LPCAT2: variants seen among roughly 807,000 people sequenced by gnomAD.
The protein encoded by LPCAT2 is 1-AGP acyltransferase 11.
A neutral mutation model predicts 64.7 loss-of-function variants in LPCAT2; 58 were observed. That is an observed-to-expected ratio of 0.90 (90% CI 0.73 to 1.12). LPCAT2 has a LOEUF of 1.12. Ranked by LOEUF, LPCAT2 falls within the 50% of genes most tolerant of loss-of-function variation. LPCAT2 has a pLI of 0.00. For missense variants in LPCAT2, 579 were observed against 669.8 expected, an observed-to-expected ratio of 0.86 and a Z score of 1.50; for synonymous variants, 252 against 245.3, an observed-to-expected ratio of 1.03 and a Z score of -0.26.
At chr16:55,542,629 G>T (rs1369366551) in intron 8 of LPCAT2, among the ~76,000 whole-genome samples, 6 of 152,066 alleles carry the variant, frequency 3.9e-5, no homozygotes, top group Non-Finnish European at 7.4e-5. Flanking sequence ...CTAAGTAACA[G>T]GTCATACAGA....
chr16:55,549,240 A>C lies in LPCAT2; in HGVS notation c.936-37A>C, dbSNP rs753312663. The C allele has an allele frequency of 1.2e-5, 18 of 1,493,072 alleles. No individual in the cohort carries two copies. The Admixed American group carries it at 1.5e-4, about 13-fold the overall frequency. 92.5% of individuals were successfully genotyped at this position (1,493,072 alleles called of 1,614,324 possible). Reference sequence around the variant, plus strand: ...GAAATATGATTACTTTTTTTTTTAAAAAAAATGAATTTTAGTTTGCTTCTT... The same window carrying C: ...GAAATATGATTACTTTTTTTTTTAACAAAAATGAATTTTAGTTTGCTTCTT... On this transcript the variant is annotated intron_variant, in intron 9 of 13. Transcript: ENST00000262134.
At chr16:55,553,489 T>C (rs925142895) in intron 11 of LPCAT2, among the ~76,000 whole-genome samples, 13 of 152,346 alleles carry the variant, frequency 8.5e-5, no homozygotes, top group African/African-American at 3.1e-4. Flanking sequence ...TCAAGTTTTA[T>C]CATGAGATTG....
intron 13 of LPCAT2, 144 bp downstream of exon 13, chr16:55,579,388 A>C: frequency 1.3e-6 from 1 of 773,898 alleles, no homozygotes; most frequent in Non-Finnish European, 2.0e-6. Context: ...TAATAATAGT[A>C]GTAATGGCAT....
chr16:55,543,333 T>C (rs544819531), intron 8 of LPCAT2, among the ~76,000 whole-genome samples: 39 of 152,338 alleles, frequency 2.6e-4, no homozygotes, highest in African/African-American at 8.7e-4. Flanking sequence ...AAACCAAACC[T>C]GTATTTCATT....
chr16:55,545,622 A>G (rs1222085749), intron 8 of LPCAT2, 113 bp from the exon 9 acceptor site: 2 of 683,486 alleles, frequency 2.9e-6, no homozygotes, highest in South Asian at 2.0e-5. Context: ...CATATAACCT[A>G]TGTTCTAGAA....
rs1596892051 is a variant in LPCAT2, at chr16:55,578,911, G to A, written c.1315-198G>A. ...CTTTGTACTATGGACCATTGGTATA[G>A]CTCCTGTTTTAATCCTGTCTCTCTC... On this transcript the variant is annotated intron_variant, in intron 12 of 13. Coordinates refer to ENST00000262134, the MANE Select transcript of LPCAT2 (RefSeq NM_017839.5). 7.1e-6 allele frequency: 4 copies of A among 560,570 alleles called. No individual in the cohort carries two copies. The East Asian group carries it at 9.1e-5, about 13-fold the overall frequency. The allele number at this position is 560,570 out of a possible 1,614,324, so 34.7% of individuals were successfully genotyped here.
intron 1 of LPCAT2, among the ~76,000 whole-genome samples, chr16:55,512,405 A>G (rs1299887336): frequency 2.0e-5 from 3 of 152,202 alleles, no homozygotes; most frequent in East Asian, 3.9e-4. Flanking sequence ...TCTTGAAATA[A>G]TACTTCTATA....
intron 1 of LPCAT2, among the ~76,000 whole-genome samples, chr16:55,521,968 A>G (rs1963102773): frequency 1.3e-5 from 2 of 151,838 alleles, no homozygotes; most frequent in South Asian, 4.1e-4. Flanking sequence ...CTTCTGTTCA[A>G]CATTACGCTA....
chr16:55,545,529 T>G, intron 8 of LPCAT2: 1 of 411,186 alleles, frequency 2.4e-6, no homozygotes, highest in South Asian at 7.2e-5. Flanking sequence ...TCATCAAAGT[T>G]AAATGACATA....
At chr16:55,525,946 T>C (rs1414296369) in intron 2 of LPCAT2, 1 of 175,304 alleles carries the variant, frequency 5.7e-6, no homozygotes, top group African/African-American at 2.4e-5. Context: ...TTCTGAGTTA[T>C]TGCCAAATGC....
chr16:55,542,998 T>C (rs16955376), intron 8 of LPCAT2, among the ~76,000 whole-genome samples: 2,394 of 152,262 alleles, frequency 0.016, 58 homozygotes, highest in African/African-American at 0.051. Context: ...CCATAAAAGA[T>C]AGTGGCAATC....
intron 8 of LPCAT2, chr16:55,540,437 A>T (rs1289304345): frequency 3.3e-5 from 5 of 152,200 alleles, no homozygotes; most frequent in African/African-American, 1.2e-4. Flanking sequence ...GGCTTAGGGC[A>T]TAGGGAATGA....
intron 11 of LPCAT2, among the ~76,000 whole-genome samples, chr16:55,554,471 C>A (rs1161913567): frequency 1.3e-5 from 2 of 152,226 alleles, no homozygotes; most frequent in Non-Finnish European, 2.9e-5. Context: ...AGCTCCCTCA[C>A]CTCTCAGTCT....
chr16:55,551,139 T>C, intron 11 of LPCAT2, 37 bp downstream of exon 11: 1 of 1,582,672 alleles, frequency 6.3e-7, no homozygotes, highest in Non-Finnish European at 8.6e-7. Context: ...TTTTACTCTG[T>C]CAGTCCTACA....
chr16:55,529,935 A>G lies in LPCAT2; in HGVS notation c.630A>G (p.Gly210=). The change falls in exon 4 of 14, where the codon GGA becomes GGG. Residue 210 remains glycine (G), a synonymous_variant. Transcript: ENST00000262134. The part of the protein sequence containing the change: ...NEIIKRTTSG[G]EWPQILVFPE... Reference sequence around the variant, plus strand: ...TAATAAAGCGAACAACATCAGGAGGAGAATGGCCCCAGGTAAAACATGGTA... The same window carrying G: ...TAATAAAGCGAACAACATCAGGAGGGGAATGGCCCCAGGTAAAACATGGTA... 1 of 1,609,762 alleles carries G rather than the reference A, an allele frequency of 6.2e-7. No individual in the cohort carries two copies. Among genetic ancestry groups the G allele is most frequent in the Non-Finnish European group, 8.5e-7 (1 of 1,178,030 alleles).
intron 8 of LPCAT2, among the ~76,000 whole-genome samples, chr16:55,544,220 GA>G (rs1963427925): frequency 8.6e-6 from 1 of 116,008 alleles, no homozygotes; most frequent in Non-Finnish European, 1.9e-5. Flanking sequence ...GACAAGACTT[GA>G]AAACAGGTCC....
chr16:55,548,875 T>C (rs967603136), intron 9 of LPCAT2, among the ~76,000 whole-genome samples: 4 of 152,148 alleles, frequency 2.6e-5, no homozygotes, highest in Non-Finnish European at 5.9e-5. Context: ...ACTATAACCA[T>C]TTGGAATAAG....
At position 55,586,300 on chromosome 16, in the gene LPCAT2, T is replaced by C. The variant is rs1567410516; in HGVS notation, c.*3202T>C. On this transcript the variant is annotated 3_prime_UTR_variant, in exon 14 of 14. Transcript: ENST00000262134. Reference sequence around the variant, plus strand: ...TCTCAACAAACTTCTCAAGCGTCTGTGTAACAAGCCACATGTTCTAACAAA... The same window carrying C: ...TCTCAACAAACTTCTCAAGCGTCTGCGTAACAAGCCACATGTTCTAACAAA... The C allele has an allele frequency of 6.6e-6, 1 of 152,200 alleles. No individual in the cohort carries two copies. The highest frequency in any genetic ancestry group is 1.9e-4 in the East Asian group (1 of 5,196). 9.4% of individuals were successfully genotyped at this position (152,200 alleles called of 1,614,324 possible). A position where few individuals can be genotyped will look rare whatever the true frequency, so the allele number is the denominator to read the frequency against.
chr16:55,538,334 G>C (rs1359389542), intron 8 of LPCAT2: 1 of 152,072 alleles, frequency 6.6e-6, no homozygotes, highest in Non-Finnish European at 1.5e-5. Context: ...TTTGATAATG[G>C]GTCTCCTAGA....
Sources: gnomAD v4.1 joint callset for allele counts (sites outside exome capture counted in the v4.1 genomes callset) on GRCh38, gnomAD v4.1.1 for gene constraint, MANE v1.5 for transcripts, NCBI Gene and HGNC (gene_info 2026-07-23, HGNC 2026-07-21) for gene names.